The following FRMD4B variants were observed in gnomAD, a reference collection of about 807,000 sequenced individuals.
FRMD4B encodes FERM domain-containing protein 4B.
A neutral mutation model predicts 141.5 loss-of-function variants in FRMD4B; 74 were observed. The ratio of observed to expected loss-of-function variants is 0.52; its 90% CI spans 0.43 to 0.63. The LOEUF (loss-of-function observed/expected upper bound fraction) is 0.63. Among genes scored for constraint, FRMD4B ranks in the 30% least tolerant of loss-of-function variants. The pLI, the probability that FRMD4B is intolerant of heterozygous loss-of-function variation, is 0.00. For missense variants in FRMD4B, 1,366 were observed against 1,253.4 expected (o/e 1.09, Z -1.36); for synonymous variants, 506 against 467.9 (o/e 1.08, Z -1.05).
intron 1 of FRMD4B, among the ~76,000 whole-genome samples, chr3:69,499,077 T>C (rs1040437770): frequency 6.6e-6 from 1 of 152,068 alleles, no homozygotes; most frequent in African/African-American, 2.4e-5. Context: ...TGAGACAGAA[T>C]TGATAGGAAG....
At chr3:69,463,869 T>A (rs1211395248) in intron 1 of FRMD4B, among the ~76,000 whole-genome samples, 1 of 152,170 alleles carries the variant, frequency 6.6e-6, no homozygotes, top group Non-Finnish European at 1.5e-5. Context: ...ATCTCCTGAG[T>A]ACAGCTTTGA....
chr3:69,296,787 A>G (rs1319891159), intron 4 of FRMD4B, among the ~76,000 whole-genome samples: 2 of 152,206 alleles, frequency 1.3e-5, no homozygotes, highest in Non-Finnish European at 2.9e-5. Flanking sequence ...GGTCACAAAC[A>G]TTTTATCCTT....
At chr3:69,421,121 G>C (rs931772687) in intron 2 of FRMD4B, among the ~76,000 whole-genome samples, 2 of 152,222 alleles carry the variant, frequency 1.3e-5, no homozygotes, top group East Asian at 3.9e-4. Context: ...GATGAGATTT[G>C]TGAGGGCAGC....
intron 1 of FRMD4B, among the ~76,000 whole-genome samples, chr3:69,453,608 C>A (rs1346545983): frequency 6.6e-6 from 1 of 152,148 alleles, no homozygotes; most frequent in Non-Finnish European, 1.5e-5. Flanking sequence ...TTAAAAAATC[C>A]CAGGAATATT....
At chr3:69,529,970 A>G (rs1301549108) in intron 1 of FRMD4B, among the ~76,000 whole-genome samples, 1 of 152,238 alleles carries the variant, frequency 6.6e-6, no homozygotes, top group Non-Finnish European at 1.5e-5. Context: ...TTAGACTTTT[A>G]GAATACCCTG....
chr3:69,255,043 C>T (rs956327632), intron 5 of FRMD4B, among the ~76,000 whole-genome samples: 2 of 152,126 alleles, frequency 1.3e-5, no homozygotes, highest in African/African-American at 4.8e-5. Context: ...CATGCTATCC[C>T]AGATCAGGAG....
chr3:69,357,308 G>T (rs1703351839), intron 1 of FRMD4B, among the ~76,000 whole-genome samples: 2 of 152,204 alleles, frequency 1.3e-5, no homozygotes, highest in Non-Finnish European at 2.9e-5. Context: ...TCTTCCAAAT[G>T]CCTTCTGCCG....
At chr3:69,478,700 T>C (rs951720675) in intron 1 of FRMD4B, among the ~76,000 whole-genome samples, 64 of 152,176 alleles carry the variant, frequency 4.2e-4, no homozygotes, top group African/African-American at 1.5e-3. Flanking sequence ...GGGTGGAGAG[T>C]TCGGTAGATG....
intron 2 of FRMD4B, among the ~76,000 whole-genome samples, chr3:69,312,456 C>T (rs938988235): frequency 3.3e-5 from 5 of 152,186 alleles, no homozygotes; most frequent in African/African-American, 1.2e-4. Flanking sequence ...TAGGGACAGG[C>T]CTCAGAAGAG....
At chr3:69,386,774 T>G (rs1282124810), upstream of FRMD4B, among the ~76,000 whole-genome samples, 2 of 152,128 alleles carry the variant, frequency 1.3e-5, no homozygotes, top group Non-Finnish European at 2.9e-5. Flanking sequence ...GAAGGCAGGT[T>G]TCCTCACACC....
intron 2 of FRMD4B, among the ~76,000 whole-genome samples, chr3:69,414,861 GTTT>G (rs5849900): frequency 5.1e-5 from 5 of 98,044 alleles, no homozygotes; most frequent in Non-Finnish European, 3.9e-5. Context: ...CGAACAAGCT[GTTT>G]TTTTTTTTTT....
chr3:69,537,044 C>T (rs1701098362), intron 1 of FRMD4B, among the ~76,000 whole-genome samples: 1 of 152,204 alleles, frequency 6.6e-6, no homozygotes, highest in Admixed American at 6.5e-5. Context: ...CACTGCACCC[C>T]ACCAGGAATT....
At chr3:69,474,153 G>C (rs1705940519) in intron 1 of FRMD4B, among the ~76,000 whole-genome samples, 1 of 152,182 alleles carries the variant, frequency 6.6e-6, no homozygotes, top group Non-Finnish European at 1.5e-5. Flanking sequence ...CCTGGTCTTA[G>C]CTCATGTATT....
At chr3:69,402,205 T>C (rs1053555186) in intron 2 of FRMD4B, among the ~76,000 whole-genome samples, 4 of 152,200 alleles carry the variant, frequency 2.6e-5, no homozygotes, top group Admixed American at 2.6e-4. Flanking sequence ...AAAGGGCATG[T>C]GATCAGCTTT....
chr3:69,339,402 A>G (rs1294343406), intron 1 of FRMD4B, among the ~76,000 whole-genome samples: 1 of 152,184 alleles, frequency 6.6e-6, no homozygotes, highest in Non-Finnish European at 1.5e-5. Flanking sequence ...TGGGCAAGTC[A>G]TTTAATCCCT....
intron 7 of FRMD4B, among the ~76,000 whole-genome samples, chr3:69,233,973 G>A (rs180986967): frequency 7.2e-5 from 11 of 152,292 alleles, no homozygotes; most frequent in African/African-American, 2.6e-4. Context: ...TAGGCCAGGC[G>A]TAGTAGCTCA....
At chr3:69,474,346 G>A (rs899346354) in intron 1 of FRMD4B, among the ~76,000 whole-genome samples, 1 of 152,188 alleles carries the variant, frequency 6.6e-6, no homozygotes, top group East Asian at 1.9e-4. Context: ...TCAGCAGCAT[G>A]AAGTTGCAAA....
chr3:69,502,123 T>A (rs1189966957), intron 1 of FRMD4B, among the ~76,000 whole-genome samples: 3 of 152,138 alleles, frequency 2.0e-5, no homozygotes, highest in Non-Finnish European at 4.4e-5. Context: ...AATTTATAGA[T>A]TCAATGCCAT....
chr3:69,310,111 T>C (rs1221188737), intron 3 of FRMD4B, among the ~76,000 whole-genome samples: 1 of 152,150 alleles, frequency 6.6e-6, no homozygotes, highest in Non-Finnish European at 1.5e-5. Flanking sequence ...TTGAGCCCTC[T>C]TTGGGAAACA....
Sources: allele counts gnomAD v4.1 joint callset (sites outside exome capture counted in the v4.1 genomes callset), GRCh38; gene constraint gnomAD v4.1.1; transcripts MANE v1.5; gene names NCBI Gene and HGNC (gene_info 2026-07-23, HGNC 2026-07-21).